PPM1L: variants seen among roughly 807,000 people sequenced by gnomAD.
PPM1L encodes protein phosphatase 1L.
Under a neutral mutation model 31.4 loss-of-function variants are expected in PPM1L, and 13 were observed. That is an observed-to-expected ratio of 0.41 (90% CI 0.27 to 0.66). The LOEUF (loss-of-function observed/expected upper bound fraction) is 0.66. PPM1L is among the 30% of genes least tolerant of loss of function. The pLI, the probability that PPM1L is intolerant of heterozygous loss-of-function variation, is 0.29. For missense variants in PPM1L, 326 were observed against 453.7 expected (o/e 0.72, Z 2.56); for synonymous variants, 184 against 175.4 (o/e 1.05, Z -0.39).
intron 2 of PPM1L, among the ~76,000 whole-genome samples, chr3:161,037,379 A>C (rs964766235): frequency 6.7e-6 from 1 of 148,512 alleles, no homozygotes; most frequent in Non-Finnish European, 1.5e-5. Context: ...ATCCATGTGA[A>C]TGCACTTGGG....
Position 160,977,710 on chromosome 3 carries a change from T to G in PPM1L, c.574+15800T>G, listed in dbSNP as rs184332135. On this transcript the variant is annotated intron_variant, in intron 2 of 3. Coordinates refer to ENST00000498165, the MANE Select transcript of PPM1L (RefSeq NM_139245.4). ...AATAAAAATAGATCAAAGCCATAAA[T>G]AAGGACGAAAGCAAATGTACTATCC... Among the ~76,000 whole-genome samples the G allele has an allele frequency of 1.1e-3, 171 of 152,258 alleles. 1 individual carries two copies. Among genetic ancestry groups the G allele is most frequent in the African/African-American group, 4.0e-3 (168 of 41,538 alleles).
At chr3:160,969,256 T>C (rs946672715) in intron 2 of PPM1L, among the ~76,000 whole-genome samples, 3 of 152,186 alleles carry the variant, frequency 2.0e-5, no homozygotes, top group Non-Finnish European at 4.4e-5. Flanking sequence ...TTTGGAAAAA[T>C]AGCTTTTTAA....
In PPM1L at chr3:161,031,183, G is replaced by T. The variant is rs142402448; in HGVS notation, c.575-34220G>T. 2.3e-4 allele frequency among the ~76,000 whole-genome samples: 35 copies of T among 152,314 alleles called. 1 individual carries two copies. The East Asian group carries it at 6.6e-3, about 29-fold the overall frequency. ...AAGAATCAGATGTCCTTGTCTGTTT[G>T]ATAAAGCAAGAGGTCAGTGCAATTA... On this transcript the variant is annotated intron_variant, in intron 2 of 3. Coordinates refer to ENST00000498165, the MANE Select transcript of PPM1L (RefSeq NM_139245.4).
At chr3:160,967,615 TA>T (rs1326141042) in intron 2 of PPM1L, among the ~76,000 whole-genome samples, 3 of 152,104 alleles carry the variant, frequency 2.0e-5, no homozygotes, top group Non-Finnish European at 1.5e-5. Context: ...CCATGAGGAT[TA>T]GTTTTCAACA....
chr3:161,038,923 C>T lies in PPM1L; in HGVS notation c.575-26480C>T, dbSNP rs139706725. Among the ~76,000 whole-genome samples, 465 of 152,266 alleles carry T rather than the reference C, an allele frequency of 3.1e-3. 4 individuals are homozygous for T. The highest frequency in any genetic ancestry group is 0.011 in the African/African-American group (442 of 41,560). ...AAAACCTTGCTGATAAAACAGGTTG[C>T]AGTAAAGGAGCTGGCCAAAACCAGA... On this transcript the variant is annotated intron_variant, in intron 2 of 3. Transcript: ENST00000498165.
At chr3:161,028,342 T>G (rs1449164948) in intron 2 of PPM1L, among the ~76,000 whole-genome samples, 1 of 152,028 alleles carries the variant, frequency 6.6e-6, no homozygotes, top group African/African-American at 2.4e-5. Flanking sequence ...GTCCCTGTAG[T>G]TTGGACACTC....
chr3:160,833,147 ATT>A (rs1470578504), intron 1 of PPM1L, among the ~76,000 whole-genome samples: 1 of 152,144 alleles, frequency 6.6e-6, no homozygotes, highest in Non-Finnish European at 1.5e-5. Context: ...TATGTACCAC[ATT>A]TTCTTTATCC....
intron 2 of PPM1L, among the ~76,000 whole-genome samples, chr3:161,054,471 G>A (rs1028823206): frequency 6.6e-6 from 1 of 151,994 alleles, no homozygotes; most frequent in Non-Finnish European, 1.5e-5. Flanking sequence ...AGCTCTGGAC[G>A]GCACCATTCA....
intron 2 of PPM1L, among the ~76,000 whole-genome samples, chr3:160,991,966 A>G (rs1717149630): frequency 6.6e-6 from 1 of 152,176 alleles, no homozygotes; most frequent in African/African-American, 2.4e-5. Context: ...CTTGATGTGT[A>G]TTAACTTTTT....
rs780887224 is a variant in PPM1L at position 160,986,229 on chromosome 3, A to G, written c.574+24319A>G. 8.5e-5 allele frequency among the ~76,000 whole-genome samples: 13 copies of G among 152,252 alleles called. No individual in the cohort carries two copies. In the East Asian group the frequency reaches 9.7e-4, roughly 11 times the overall value. ...GAGCCATCTGGTATCTTGGTCATTA[A>G]CCCACTTTTGCTACCCATGCCCACA... On this transcript the variant is annotated intron_variant, in intron 2 of 3. Transcript: ENST00000498165.
intron 1 of PPM1L, among the ~76,000 whole-genome samples, chr3:160,803,767 C>T (rs1025680388): frequency 6.6e-6 from 1 of 152,188 alleles, no homozygotes; most frequent in African/African-American, 2.4e-5. Context: ...GGATAGAGAG[C>T]AGTTTTTCAA....
intron 1 of PPM1L, among the ~76,000 whole-genome samples, chr3:160,807,598 C>T (rs940521868): frequency 5.3e-5 from 8 of 152,072 alleles, no homozygotes; most frequent in African/African-American, 1.4e-4. Context: ...ATGTGGATAA[C>T]GCACCTGGAA....
intron 1 of PPM1L, among the ~76,000 whole-genome samples, chr3:160,845,361 T>A (rs1714043775): frequency 6.6e-6 from 1 of 152,086 alleles, no homozygotes; most frequent in African/African-American, 2.4e-5. Context: ...ATCATTGAAT[T>A]GTAAGAGTTT....
intron 1 of PPM1L, among the ~76,000 whole-genome samples, chr3:160,789,831 C>T (rs1318661210): frequency 6.6e-6 from 1 of 151,860 alleles, no homozygotes; most frequent in Non-Finnish European, 1.5e-5. Context: ...TATAGTCTTC[C>T]CTTGGTATCT....
intron 1 of PPM1L, among the ~76,000 whole-genome samples, chr3:160,767,221 C>G (rs985579660): frequency 6.6e-6 from 1 of 151,350 alleles, no homozygotes; most frequent in African/African-American, 2.4e-5. Context: ...AGATGATGAT[C>G]TTTGTGTCTT....
intron 1 of PPM1L, among the ~76,000 whole-genome samples, chr3:160,914,322 G>T (rs540409092): frequency 8.0e-4 from 122 of 152,058 alleles, no homozygotes; most frequent in African/African-American, 2.9e-3. Context: ...AAGTTTTAGG[G>T]TACATGTGCA....
intron 2 of PPM1L, among the ~76,000 whole-genome samples, chr3:161,029,699 T>C (rs1007535517): frequency 6.6e-6 from 1 of 152,194 alleles, no homozygotes; most frequent in South Asian, 2.1e-4. Flanking sequence ...CTCATTTTTA[T>C]ACATACTACT....
chr3:160,919,573 A>G (rs1474248878), intron 1 of PPM1L, among the ~76,000 whole-genome samples: 1 of 152,198 alleles, frequency 6.6e-6, no homozygotes, highest in East Asian at 1.9e-4. Flanking sequence ...CTTGTTATGT[A>G]TACAAAAGCT....
chr3:160,762,643 T>G (rs933464124), intron 1 of PPM1L, among the ~76,000 whole-genome samples: 7 of 152,184 alleles, frequency 4.6e-5, no homozygotes, highest in Non-Finnish European at 8.8e-5. Flanking sequence ...TGGGAAATTT[T>G]GGATAATTTT....
Sources: allele counts gnomAD v4.1 joint callset (sites outside exome capture counted in the v4.1 genomes callset), GRCh38; gene constraint gnomAD v4.1.1; transcripts MANE v1.5; gene names NCBI Gene and HGNC (gene_info 2026-07-23, HGNC 2026-07-21).